The following SLC6A2 variants were observed in gnomAD, a reference collection of about 807,000 sequenced individuals.
The protein encoded by SLC6A2 is sodium-dependent noradrenaline transporter.
A neutral mutation model predicts 71.7 loss-of-function variants in SLC6A2; 26 were observed. That is an observed-to-expected ratio of 0.36 (90% CI 0.27 to 0.50). The LOEUF (loss-of-function observed/expected upper bound fraction) is 0.50, where lower values mean the gene tolerates loss of function less well. Ranked by LOEUF, SLC6A2 falls within the 20% of genes least tolerant of loss-of-function variation. SLC6A2 has a pLI of 0.96. For synonymous variants in SLC6A2, 363 were observed against 337.9 expected (o/e 1.07, Z -0.82); for missense variants, 581 against 803.9 (o/e 0.72, Z 3.35).
At chr16:55,663,952 C>G (rs1335187848) in intron 2 of SLC6A2, among the ~76,000 whole-genome samples, 2 of 152,114 alleles carry the variant, frequency 1.3e-5, no homozygotes, top group Admixed American at 1.3e-4. Flanking sequence ...ACAGGGAGAC[C>G]GAGAAGAATC....
intron 2 of SLC6A2, among the ~76,000 whole-genome samples, chr16:55,663,818 T>C (rs1029906471): frequency 6.6e-6 from 1 of 152,196 alleles, no homozygotes; most frequent in African/African-American, 2.4e-5. Context: ...GTAGGATTTT[T>C]CCCTGGCTTT....
rs745434760 is a variant in SLC6A2, at chr16:55,677,374, C to T, written c.644+5199C>T. 2.6e-5 allele frequency among the ~76,000 whole-genome samples: 4 copies of T among 152,154 alleles called. No homozygotes were observed. In the East Asian group the frequency reaches 5.8e-4, roughly 22 times the overall value. On this transcript the variant is annotated intron_variant, in intron 4 of 14. Coordinates refer to ENST00000568943, the MANE Select transcript of SLC6A2 (RefSeq NM_001172501.3). ...AAAGCATGATTTTTCTTTTTGCTCT[C>T]GGCAACCCTTGTTTTACAAATTAAA...
rs749955735 is a variant in SLC6A2, at chr16:55,694,063, A to C, written c.972A>C (p.Gly324=). 4.3e-6 allele frequency: 7 copies of C among 1,613,484 alleles called. No homozygotes were observed. Residue 324 remains glycine, a synonymous_variant, in exon 7 of 15, where the codon GGA becomes GGC. Coordinates refer to ENST00000568943, the MANE Select transcript of SLC6A2 (RefSeq NM_001172501.3). ...QIFFSLGAGF[G]VLIAFASYNK... Reference sequence around the variant, plus strand: ...TTTTTTCCTTGGGGGCTGGATTTGGAGTATTGATTGCATTTGCCAGTTACA... The same window carrying C: ...TTTTTTCCTTGGGGGCTGGATTTGGCGTATTGATTGCATTTGCCAGTTACA...
intron 3 of SLC6A2, among the ~76,000 whole-genome samples, chr16:55,671,089 T>C (rs1256450182): frequency 6.6e-6 from 1 of 152,160 alleles, no homozygotes; most frequent in Admixed American, 6.5e-5. Context: ...AGGGAGTGCT[T>C]GCTTGGGTTT....
intron 2 of SLC6A2, among the ~76,000 whole-genome samples, chr16:55,665,101 G>GGGA (rs1964713993): frequency 6.6e-6 from 1 of 152,154 alleles, no homozygotes; most frequent in Non-Finnish European, 1.5e-5. Context: ...AGATTGAGCT[G>GGGA]GGAGGAAGTA....
Position 55,697,882 on chromosome 16 carries a change from C to G in SLC6A2, c.1261-15C>G, listed in dbSNP as rs1215294441. 2 of 1,613,772 alleles carry G rather than the reference C, an allele frequency of 1.2e-6. No homozygotes were observed. The highest frequency in any genetic ancestry group is 1.7e-5 in the Admixed American group (1 of 60,010). On this transcript the variant is annotated splice_polypyrimidine_tract_variant and intron_variant, in intron 9 of 14. Transcript: ENST00000568943. Reference sequence around the variant, plus strand: ...ACCCTAATTCCTGCACCCCACCCCTCCTGGTTCCCTCCAGATGGGAGGCAT... The same window carrying G: ...ACCCTAATTCCTGCACCCCACCCCTGCTGGTTCCCTCCAGATGGGAGGCAT...
intron 4 of SLC6A2, among the ~76,000 whole-genome samples, chr16:55,683,548 G>T (rs529931848): frequency 1.3e-4 from 20 of 152,254 alleles, no homozygotes; most frequent in African/African-American, 4.8e-4. Context: ...GGGAGGCGGA[G>T]GTTGCAGTGA....
intron 5 of SLC6A2, among the ~76,000 whole-genome samples, chr16:55,687,931 T>TA (rs1369485792): frequency 1.3e-5 from 2 of 152,190 alleles, no homozygotes; most frequent in Non-Finnish European, 1.5e-5. Context: ...ACCAGAGTGT[T>TA]ACACTAGGAA....
chr16:55,656,331 C>G lies in SLC6A2; in HGVS notation c.-52+162C>G, dbSNP rs1964446511. ...CGCGGACCTGAGCTGGGGAGGGGGTCGGCACGCTGCCCTCAGCCTCGGTGA... is the reference window on the plus strand; with the variant it reads ...CGCGGACCTGAGCTGGGGAGGGGGTGGGCACGCTGCCCTCAGCCTCGGTGA... On this transcript the variant is annotated intron_variant, in intron 1 of 14. Coordinates refer to ENST00000568943, the MANE Select transcript of SLC6A2 (RefSeq NM_001172501.3). The surrounding 1 kb of genome is among the most constrained non-coding windows in gnomAD (Gnocchi z 4.5). The G allele has an allele frequency of 2.6e-6, 1 of 379,928 alleles. No individual in the cohort carries two copies. Among genetic ancestry groups the G allele is most frequent in the Admixed American group, 4.0e-5 (1 of 25,202 alleles). The allele number at this position is 379,928 out of a possible 1,614,324, so 23.5% of individuals were successfully genotyped here.
chr16:55,671,127 A>G (rs1964897465), intron 3 of SLC6A2, among the ~76,000 whole-genome samples: 1 of 152,200 alleles, frequency 6.6e-6, no homozygotes, highest in South Asian at 2.1e-4. Context: ...AGACAAGGAT[A>G]TAAGTGTAAA....
At chr16:55,663,924 T>C (rs1964677799) in intron 2 of SLC6A2, among the ~76,000 whole-genome samples, 1 of 152,110 alleles carries the variant, frequency 6.6e-6, no homozygotes, top group Non-Finnish European at 1.5e-5. Flanking sequence ...CCCCAGGCCC[T>C]GGGGGAAGGA....
At chr16:55,691,714 G>C (rs776218697) in intron 5 of SLC6A2, among the ~76,000 whole-genome samples, 3 of 152,178 alleles carry the variant, frequency 2.0e-5, no homozygotes, top group Non-Finnish European at 2.9e-5. Flanking sequence ...CTTCTCTAGG[G>C]TGTGACCTGT....
intron 5 of SLC6A2, among the ~76,000 whole-genome samples, chr16:55,691,670 C>A (rs545203982): frequency 6.6e-6 from 1 of 152,238 alleles, no homozygotes; most frequent in African/African-American, 2.4e-5. Context: ...TAGTGCTATC[C>A]CCACTGTGGC....
chr16:55,699,518 G>A (rs1317592751), intron 11 of SLC6A2, 36 bp from the exon 12 acceptor site: 8 of 1,531,258 alleles, frequency 5.2e-6, no homozygotes, highest in Non-Finnish European at 7.2e-6. Context: ...GCTATCATGG[G>A]GGCCATGGTA....
Position 55,699,761 on chromosome 16 carries a change from A to T in SLC6A2, c.1590+107A>T, listed in dbSNP as rs1965912174. The T allele has an allele frequency of 3.6e-6, 3 of 827,676 alleles. No homozygotes were observed. The Admixed American group carries it at 5.9e-5, about 16-fold the overall frequency. 51.3% of individuals were successfully genotyped at this position (827,676 alleles called of 1,614,324 possible). ...TAGGGGAGGAGGCTCTGGGATCCAGAGGCCCTGGTCATGCAGAGGGGTCAC... is the reference window on the plus strand; with the variant it reads ...TAGGGGAGGAGGCTCTGGGATCCAGTGGCCCTGGTCATGCAGAGGGGTCAC... On this transcript the variant is annotated intron_variant, in intron 12 of 14. Transcript: ENST00000568943.
At chr16:55,683,729 G>A (rs1242980351) in intron 4 of SLC6A2, among the ~76,000 whole-genome samples, 1 of 152,118 alleles carries the variant, frequency 6.6e-6, no homozygotes, top group Non-Finnish European at 1.5e-5. Flanking sequence ...CGACAACTCA[G>A]CAAATGTTAC....
chr16:55,689,135 G>A (rs1275370239), intron 5 of SLC6A2, among the ~76,000 whole-genome samples: 1 of 152,162 alleles, frequency 6.6e-6, no homozygotes, highest in Admixed American at 6.5e-5. Context: ...GAGAAGCCTG[G>A]GGTGGAGATG....
In SLC6A2 at chr16:55,668,742, G is replaced by T. The variant is rs1166913469; in HGVS notation, c.275-823G>T. On this transcript the variant is annotated intron_variant, in intron 2 of 14. Coordinates refer to ENST00000568943, the MANE Select transcript of SLC6A2 (RefSeq NM_001172501.3). Reference sequence around the variant, plus strand: ...CCAGGAATTCTCCCAGGAATTAATTGCTGCCTGGTGCCCAGGGACCCCATG... The same window carrying T: ...CCAGGAATTCTCCCAGGAATTAATTTCTGCCTGGTGCCCAGGGACCCCATG... Among the ~76,000 whole-genome samples the T allele has an allele frequency of 2.6e-5, 4 of 152,184 alleles. No homozygotes were observed. In the East Asian group the frequency reaches 5.8e-4, roughly 22 times the overall value.
At chr16:55,663,511 T>C (rs899109026) in intron 2 of SLC6A2, among the ~76,000 whole-genome samples, 5 of 152,218 alleles carry the variant, frequency 3.3e-5, no homozygotes, top group Non-Finnish European at 7.3e-5. Flanking sequence ...ACCTCTTTTC[T>C]TTATAGATTC....
Sources: gnomAD v4.1 joint callset for allele counts (sites outside exome capture counted in the v4.1 genomes callset) on GRCh38, gnomAD v4.1.1 for gene constraint, Gnocchi (gnomAD v3.1) non-coding constraint, MANE v1.5 for transcripts, NCBI Gene and HGNC (gene_info 2026-07-23, HGNC 2026-07-21) for gene names.